SNX6: variants seen among roughly 807,000 people sequenced by gnomAD.
SNX6 encodes the protein sorting nexin-6.
In SNX6, 34 loss-of-function variants were observed where a neutral mutation model predicts 63.0. The observed-to-expected ratio is 0.54, with a 90% confidence interval of 0.41 to 0.72. The LOEUF (loss-of-function observed/expected upper bound fraction) is 0.72. SNX6 is among the 30% of genes least tolerant of loss of function. The pLI is 0.00. For missense variants in SNX6, 398 were observed against 471.4 expected (o/e 0.84, Z 1.44); for synonymous variants, 170 against 164.2 (o/e 1.04, Z -0.27).
intron 2 of SNX6, among the ~76,000 whole-genome samples, chr14:34,610,396 A>C: frequency 6.6e-6 from 1 of 151,468 alleles, no homozygotes; most frequent in Non-Finnish European, 1.5e-5. Context: ...AAAAAAACAA[A>C]ACCCTATTTT....
intron 2 of SNX6, among the ~76,000 whole-genome samples, chr14:34,624,301 A>T (rs926815364): frequency 4.6e-5 from 7 of 152,032 alleles, no homozygotes; most frequent in Non-Finnish European, 2.9e-5. Flanking sequence ...GGGTTTCACC[A>T]TGTGGGCCAG....
chr14:34,590,412 CAG>C (rs1249169836), intron 8 of SNX6, among the ~76,000 whole-genome samples: 1 of 141,138 alleles, frequency 7.1e-6, no homozygotes, highest in African/African-American at 2.7e-5. Flanking sequence ...GCCTGGGCGA[CAG>C]AGCAAGACTT....
At chr14:34,620,491 C>A (rs1883581665) in intron 2 of SNX6, among the ~76,000 whole-genome samples, 1 of 151,756 alleles carries the variant, frequency 6.6e-6, no homozygotes, top group African/African-American at 2.4e-5. Flanking sequence ...AAAACAAAAA[C>A]AAAAACAAAA....
At chr14:34,569,091 C>T in intron 11 of SNX6, 3 of 1,011,266 alleles carry the variant, frequency 3.0e-6, no homozygotes, top group Non-Finnish European at 4.7e-6. Context: ...CTCTGATGAA[C>T]TCCTGCTGGT....
chr14:34,573,862 C>T (rs1282943756), intron 11 of SNX6, among the ~76,000 whole-genome samples: 2 of 151,524 alleles, frequency 1.3e-5, no homozygotes, highest in Non-Finnish European at 2.9e-5. Context: ...AGGCTGCTCT[C>T]GAACTGCTGA....
intron 4 of SNX6, among the ~76,000 whole-genome samples, chr14:34,607,146 T>C (rs1306288157): frequency 1.3e-5 from 2 of 152,104 alleles, no homozygotes; most frequent in Non-Finnish European, 2.9e-5. Context: ...CCCATTTCAA[T>C]TCTAACAAAT....
At chr14:34,570,110 C>T (rs1881377344) in intron 11 of SNX6, among the ~76,000 whole-genome samples, 1 of 151,554 alleles carries the variant, frequency 6.6e-6, no homozygotes, top group South Asian at 2.1e-4. Flanking sequence ...CTGTTTTTGC[C>T]CAGGCTGGAG....
At chr14:34,582,860 T>C (rs757942441) in intron 9 of SNX6, among the ~76,000 whole-genome samples, 12 of 151,370 alleles carry the variant, frequency 7.9e-5, no homozygotes, top group African/African-American at 1.2e-4. Context: ...TTTATCTAGA[T>C]TCATTGTAGC....
intron 2 of SNX6, among the ~76,000 whole-genome samples, chr14:34,620,807 G>A: frequency 6.6e-6 from 1 of 151,936 alleles, no homozygotes; most frequent in East Asian, 1.9e-4. Flanking sequence ...TGGGCGTGGT[G>A]GTGCATGCCT....
chr14:34,565,752 C>T (rs1319472092), intron 13 of SNX6, among the ~76,000 whole-genome samples: 2 of 150,868 alleles, frequency 1.3e-5, no homozygotes, highest in East Asian at 2.0e-4. Context: ...TGCAGTGACG[C>T]AATCTTGGCT....
chr14:34,614,998 T>C (rs1243037909), intron 2 of SNX6, among the ~76,000 whole-genome samples: 3 of 152,208 alleles, frequency 2.0e-5, no homozygotes, highest in African/African-American at 7.2e-5. Flanking sequence ...CTTTCAGAGA[T>C]ATCTACATTT....
intron 2 of SNX6, 35 bp downstream of exon 2, chr14:34,629,872 C>A: frequency 6.4e-7 from 1 of 1,551,450 alleles, no homozygotes; most frequent in Non-Finnish European, 8.7e-7. Context: ...AAGGAGGGTC[C>A]AGGGTCCCGC....
chr14:34,619,935 C>T lies in SNX6; in HGVS notation c.54+9972G>A, dbSNP rs192980210. On this transcript the variant is annotated intron_variant, in intron 2 of 13. Transcript: ENST00000362031. ...CTATGCTGCCCAAGCTAGACTTGAA[C>T]TCCTGGGCTCAAGCGATCCTCCCAC... Among the ~76,000 whole-genome samples the T allele has an allele frequency of 2.0e-4, 31 of 152,250 alleles. No individual in the cohort carries two copies. The East Asian group carries it at 5.6e-3, about 27-fold the overall frequency.
In SNX6 at chr14:34,575,064, G is replaced by A. The variant is rs541756751; in HGVS notation, c.921+692C>T. Among the ~76,000 whole-genome samples the A allele has an allele frequency of 2.1e-3, 308 of 146,910 alleles. 1 individual carries two copies. The highest frequency in any genetic ancestry group is 3.9e-3 in the Non-Finnish European group (262 of 66,712). ...CCACCACCATGCCCGGCTAATTTTT[G>A]TATTTTTAGTAGAGATGGGGTTTCA... is the stretch of plus-strand genomic sequence containing the variant. On this transcript the variant is annotated intron_variant, in intron 11 of 13. Coordinates refer to ENST00000362031, the MANE Select transcript of SNX6 (RefSeq NM_152233.4).
In SNX6 at chr14:34,564,019, G is replaced by A. The variant is rs564650359; in HGVS notation, c.1168-844C>T. Among the ~76,000 whole-genome samples the A allele has an allele frequency of 4.6e-5, 7 of 152,180 alleles. No individual in the cohort carries two copies. The South Asian group carries it at 8.3e-4, about 18-fold the overall frequency. ...CTCCCAAAGTGCTGTGATTACAGGC[G>A]TGAGCCACTGCGCTGGCCTTTGTTT... is the stretch of plus-strand genomic sequence containing the variant. On this transcript the variant is annotated intron_variant, in intron 13 of 13. Coordinates refer to ENST00000362031, the MANE Select transcript of SNX6 (RefSeq NM_152233.4).
chr14:34,563,057 A>G lies in SNX6; in HGVS notation c.*65T>C. On this transcript the variant is annotated 3_prime_UTR_variant, in exon 14 of 14. Coordinates refer to ENST00000362031, the MANE Select transcript of SNX6 (RefSeq NM_152233.4). ...CCAGTGAGCATAAATGCTTAACATC[A>G]TTAAGAAAACAAAAATAAAATTTGA... The G allele has an allele frequency of 6.6e-7, 1 of 1,504,814 alleles. No individual in the cohort carries two copies. Among genetic ancestry groups the G allele is most frequent in the Admixed American group, 1.8e-5 (1 of 56,604 alleles). The allele number at this position is 1,504,814 out of a possible 1,614,324, so 93.2% of individuals were successfully genotyped here. A position where few individuals can be genotyped will look rare whatever the true frequency, so the allele number is the denominator to read the frequency against.
intron 6 of SNX6, among the ~76,000 whole-genome samples, chr14:34,600,631 T>A (rs1187492059): frequency 6.6e-6 from 1 of 152,116 alleles, no homozygotes; most frequent in Non-Finnish European, 1.5e-5. Flanking sequence ...CTATATTTAT[T>A]TTCTGCAAAA....
chr14:34,566,082 C>T (rs944301628), intron 13 of SNX6, among the ~76,000 whole-genome samples: 1 of 152,006 alleles, frequency 6.6e-6, no homozygotes, highest in Non-Finnish European at 1.5e-5. Context: ...AGGCATGAGC[C>T]ACTGTGCCCA....
intron 8 of SNX6, among the ~76,000 whole-genome samples, chr14:34,587,458 G>A (rs960183424): frequency 1.4e-5 from 2 of 141,552 alleles, no homozygotes; most frequent in East Asian, 2.3e-4. Flanking sequence ...GCGTGAACCC[G>A]GGAGGTGGAG....
Sources: allele counts gnomAD v4.1 joint callset (sites outside exome capture counted in the v4.1 genomes callset), GRCh38; gene constraint gnomAD v4.1.1; transcripts MANE v1.5; gene names NCBI Gene and HGNC (gene_info 2026-07-23, HGNC 2026-07-21).